Variants in PCDHA3 observed in about 807,000 individuals in gnomAD.
PCDHA3 encodes the protein protocadherin alpha-3.
A neutral mutation model predicts 62.2 loss-of-function variants in PCDHA3; 41 were observed. The ratio of observed to expected loss-of-function variants is 0.66; its 90% CI spans 0.51 to 0.86. The LOEUF (loss-of-function observed/expected upper bound fraction) is 0.86. Ranked by LOEUF, PCDHA3 falls within the 40% of genes least tolerant of loss-of-function variation. PCDHA3 has a pLI of 0.00. For missense variants in PCDHA3, 1,304 were observed against 1,241.2 expected, an observed-to-expected ratio of 1.05 and a Z score of -0.76; for synonymous variants, 640 against 555.4, an observed-to-expected ratio of 1.15 and a Z score of -2.14.
chr5:140,928,149 T>G (rs782254175), intron 1 of PCDHA3: 3 of 1,614,194 alleles, frequency 1.9e-6, no homozygotes, highest in Non-Finnish European at 2.5e-6. Context: ...CGGCCTCAGA[T>G]AGTGGCTCAC....
At chr5:140,960,855 A>T (rs1363929142) in intron 1 of PCDHA3, among the ~76,000 whole-genome samples, 1 of 152,204 alleles carries the variant, frequency 6.6e-6, no homozygotes, top group Non-Finnish European at 1.5e-5. Context: ...GGCAACTATA[A>T]GCCAGAAATT....
At chr5:140,848,250 C>A in intron 1 of PCDHA3, 1 of 460,454 alleles carries the variant, frequency 2.2e-6, no homozygotes, top group Non-Finnish European at 3.8e-6. Context: ...TGCAGAATAA[C>A]TGTGAAATTT....
At chr5:140,945,440 T>C (rs932464631) in intron 1 of PCDHA3, among the ~76,000 whole-genome samples, 1 of 151,948 alleles carries the variant, frequency 6.6e-6, no homozygotes, top group African/African-American at 2.4e-5. Context: ...TACAGAAATA[T>C]AAAAAACTTC....
chr5:141,010,545 A>G lies in PCDHA3; in HGVS notation c.*608A>G. On this transcript the variant is annotated 3_prime_UTR_variant, in exon 4 of 4. Coordinates refer to ENST00000522353, the MANE Select transcript of PCDHA3 (RefSeq NM_018906.3). ...GGTGGCAGCCACCCTCTAGGAGACAAAACTACCCCCACTGACAAGGCTTTA... is the reference window on the plus strand; with the variant it reads ...GGTGGCAGCCACCCTCTAGGAGACAGAACTACCCCCACTGACAAGGCTTTA... 1 of 343,382 alleles carries G rather than the reference A, an allele frequency of 2.9e-6. No individual in the cohort carries two copies. 21.3% of individuals were successfully genotyped at this position (343,382 alleles called of 1,614,324 possible).
intron 1 of PCDHA3, 70 bp downstream of exon 1, chr5:140,803,661 G>A (rs1554122919): frequency 6.2e-7 from 1 of 1,607,224 alleles, no homozygotes; most frequent in South Asian, 1.1e-5. Flanking sequence ...CACTCCTCTG[G>A]AAATACATTA....
chr5:140,967,682 C>G, intron 1 of PCDHA3: 2 of 1,614,176 alleles, frequency 1.2e-6, no homozygotes, highest in South Asian at 2.2e-5. Context: ...CCGGGAGAGG[C>G]AGCTCTTCAG....
rs1563376756 is a variant in PCDHA3, at chr5:140,968,306, C to G, written c.2395-10643C>G. 1.9e-6 allele frequency: 3 copies of G among 1,613,808 alleles called. No individual in the cohort carries two copies. The highest frequency in any genetic ancestry group is 2.5e-6 in the Non-Finnish European group (3 of 1,179,908). On this transcript the variant is annotated intron_variant, in intron 1 of 3. Transcript: ENST00000522353. ...CTACTCCCTTCTGGAGAGGGAGATT[C>G]AAGGGCTGCCAGTCACCTCCTATGT... is the stretch of plus-strand genomic sequence containing the variant.
At chr5:140,991,847 G>A (rs1375292594) in intron 3 of PCDHA3, among the ~76,000 whole-genome samples, 1 of 152,162 alleles carries the variant, frequency 6.6e-6, no homozygotes, top group African/African-American at 2.4e-5. Flanking sequence ...CGCACTTCCA[G>A]ATACCAAAAT....
intron 1 of PCDHA3, chr5:140,836,045 C>G: frequency 1.2e-6 from 2 of 1,613,320 alleles, no homozygotes; most frequent in South Asian, 1.1e-5. Flanking sequence ...TGCAGGTGTT[C>G]GTGCTGGACG....
In PCDHA3 at chr5:140,919,966, A is replaced by G. The variant is rs1472155046; in HGVS notation, c.2395-58983A>G. Among the ~76,000 whole-genome samples, 3 of 139,590 alleles carry G rather than the reference A, an allele frequency of 2.1e-5. No homozygotes were observed. The East Asian group carries it at 7.1e-4, about 33-fold the overall frequency. The allele number at this position is 139,590 out of a possible 152,430, so 91.6% of individuals were successfully genotyped here. On this transcript the variant is annotated intron_variant, in intron 1 of 3. Transcript: ENST00000522353. ...GTGAAAAGTTTGTTTTGTTTTTTAA[A>G]TAAGAGATAGAAGATGGAAAACAGA...
intron 1 of PCDHA3, chr5:140,835,904 C>T: frequency 1.2e-6 from 2 of 1,612,178 alleles, no homozygotes; most frequent in South Asian, 1.1e-5. Flanking sequence ...TGTCGAGCTA[C>T]GTGTCAGTGC....
intron 1 of PCDHA3, among the ~76,000 whole-genome samples, chr5:140,891,044 C>G (rs1167178710): frequency 6.6e-6 from 1 of 152,030 alleles, no homozygotes; most frequent in Non-Finnish European, 1.5e-5. Flanking sequence ...GTGTGACCCC[C>G]ACAGCACATA....
rs2150150288 is a variant in PCDHA3 at position 140,828,039 on chromosome 5, T to G, written c.2394+24448T>G. 212 of 1,539,464 alleles carry G rather than the reference T, an allele frequency of 1.4e-4. 1 individual carries two copies. Among genetic ancestry groups the G allele is most frequent in the Non-Finnish European group, 1.8e-4 (207 of 1,145,996 alleles). ...TAATAAATTCCGGAACATACAGTAT[T>G]TTATCTTTATGCGGAAGATCTTCTA... On this transcript the variant is annotated intron_variant, in intron 1 of 3. Coordinates refer to ENST00000522353, the MANE Select transcript of PCDHA3 (RefSeq NM_018906.3).
chr5:140,829,489 G>A (rs2150168747), intron 1 of PCDHA3: 1 of 1,613,588 alleles, frequency 6.2e-7, no homozygotes, highest in African/African-American at 1.3e-5. Flanking sequence ...TCGTGAAGGA[G>A]AACAACCCGC....
At chr5:140,813,285 T>C (rs1324188008) in intron 1 of PCDHA3, 2 of 151,914 alleles carry the variant, frequency 1.3e-5, no homozygotes, top group African/African-American at 4.9e-5. Context: ...GAGAATTGTA[T>C]CATTCTGAGA....
chr5:140,954,532 GT>G (rs1274213608), intron 1 of PCDHA3, among the ~76,000 whole-genome samples: 7 of 152,088 alleles, frequency 4.6e-5, no homozygotes, highest in Non-Finnish European at 5.9e-5. Context: ...TGATGTTGAG[GT>G]TTTTTTCATA....
intron 1 of PCDHA3, among the ~76,000 whole-genome samples, chr5:140,832,783 G>T (rs1772149172): frequency 6.6e-6 from 1 of 152,148 alleles, no homozygotes; most frequent in Non-Finnish European, 1.5e-5. Flanking sequence ...GTGCTAGAAA[G>T]GTACATCATA....
intron 1 of PCDHA3, among the ~76,000 whole-genome samples, chr5:140,873,187 T>C (rs1169831538): frequency 6.6e-6 from 1 of 152,214 alleles, no homozygotes; most frequent in Non-Finnish European, 1.5e-5. Context: ...ATAATATTCA[T>C]TGGCTAAAAA....
At chr5:140,836,073 G>C in intron 1 of PCDHA3, 1 of 1,613,652 alleles carries the variant, frequency 6.2e-7, no homozygotes. Flanking sequence ...CAACGCGCCG[G>C]CACTGCTGGC....
Sources: allele counts gnomAD v4.1 joint callset (sites outside exome capture counted in the v4.1 genomes callset), GRCh38; gene constraint gnomAD v4.1.1; transcripts MANE v1.5; gene names NCBI Gene and HGNC (gene_info 2026-07-23, HGNC 2026-07-21).